Variants in ZNF266 observed in about 807,000 individuals in gnomAD.
ZNF266 encodes the protein zinc finger protein 266.
In ZNF266, 16 loss-of-function variants were observed where a neutral mutation model predicts 16.4. The observed-to-expected ratio is 0.98, with a 90% confidence interval of 0.66 to 1.48. ZNF266 has a LOEUF of 1.48. Ranked by LOEUF, ZNF266 falls within the 40% of genes most tolerant of loss-of-function variation. ZNF266 has a pLI of 0.00. For synonymous variants in ZNF266, 262 were observed against 237.9 expected, an observed-to-expected ratio of 1.10 and a Z score of -0.93; for missense variants, 738 against 689.1, an observed-to-expected ratio of 1.07 and a Z score of -0.79.
chr19:9,413,967 C>T lies in ZNF266; in HGVS notation c.1159G>A (p.Ala387Thr), dbSNP rs781073244. The T allele has an allele frequency of 1.7e-5, 27 of 1,613,992 alleles. 1 individual carries two copies. The South Asian group carries it at 2.6e-4, about 16-fold the overall frequency. ...ATCTTACATTCAAAGGGATCCTTTG[C>T]AGTGTGAGTTTTTAAATGTTCAGTA... ...QLTEHLKTHT[A>T]KDPFECKICG... is the part of the protein sequence containing the mutation. Residue 387 changes from alanine to threonine, a missense_variant, in exon 11 of 11, where the codon GCA becomes ACA. Ala to Thr is a moderately conservative substitution (Grantham distance 58, BLOSUM62 0). Coordinates refer to ENST00000592904, the MANE Select transcript of ZNF266 (RefSeq NM_001370374.1).
At chr19:9,422,068 G>T (rs980857208) in intron 5 of ZNF266, among the ~76,000 whole-genome samples, 2 of 152,140 alleles carry the variant, frequency 1.3e-5, no homozygotes, top group South Asian at 4.1e-4. Flanking sequence ...AGCCAGGATG[G>T]TCTCGATCTC....
chr19:9,418,462 A>T (rs1176447299), intron 8 of ZNF266, 43 bp downstream of exon 8: 1 of 1,606,252 alleles, frequency 6.2e-7, no homozygotes, highest in Non-Finnish European at 8.5e-7. Flanking sequence ...TACATAACAT[A>T]ATCTGTTCCA....
intron 5 of ZNF266, among the ~76,000 whole-genome samples, chr19:9,423,030 G>A (rs1338116097): frequency 1.3e-5 from 2 of 152,158 alleles, no homozygotes; most frequent in Admixed American, 6.6e-5. Context: ...ACAAAATCAC[G>A]TGCTCTAAAG....
chr19:9,423,148 C>T (rs1202414216), intron 5 of ZNF266, among the ~76,000 whole-genome samples: 1 of 152,168 alleles, frequency 6.6e-6, no homozygotes, highest in Admixed American at 6.5e-5. Flanking sequence ...GCAATAAGGA[C>T]TTCCCCTTAC....
chr19:9,422,593 C>G (rs565411961), intron 5 of ZNF266, among the ~76,000 whole-genome samples: 13 of 152,304 alleles, frequency 8.5e-5, no homozygotes, highest in African/African-American at 3.1e-4. Flanking sequence ...TCCTTACTGG[C>G]ACCCCAACTT....
At chr19:9,422,997 G>A (rs940585758) in intron 5 of ZNF266, among the ~76,000 whole-genome samples, 4 of 152,198 alleles carry the variant, frequency 2.6e-5, no homozygotes, top group African/African-American at 7.2e-5. Flanking sequence ...AATGCCTGCC[G>A]TGATCCACTA....
Position 9,414,066 on chromosome 19 carries a change from T to C in ZNF266, c.1060A>G (p.Met354Val). ...GGCTTCTCACCCACATGGATTTTCATATGTTGACTTAAGCAAGAGGAAACA... is the reference window on the plus strand; with the variant it reads ...GGCTTCTCACCCACATGGATTTTCACATGTTGACTTAAGCAAGAGGAAACA... ...FTVSSCLSQH[M>V]KIHVGEKPYE... The change falls in exon 11 of 11, where the codon ATG becomes GTG. Residue 354 changes from methionine (M) to valine (V), a missense_variant. Coordinates refer to ENST00000592904, the MANE Select transcript of ZNF266 (RefSeq NM_001370374.1). 6.2e-7 allele frequency: 1 copy of C among 1,613,824 alleles called. No individual in the cohort carries two copies. Among genetic ancestry groups the C allele is most frequent in the Non-Finnish European group, 8.5e-7 (1 of 1,179,912 alleles).
Position 9,415,721 on chromosome 19 carries a change from A to C in ZNF266, c.338T>G (p.Leu113Arg), listed in dbSNP as rs753530966. 11 of 1,613,164 alleles carry C rather than the reference A, an allele frequency of 6.8e-6. No homozygotes were observed. The South Asian group carries it at 1.2e-4, about 18-fold the overall frequency. The change falls in exon 10 of 11, where the codon CTT becomes CGT. Residue 113 changes from leucine (L) to arginine (R), a missense_variant. Coordinates refer to ENST00000592904, the MANE Select transcript of ZNF266 (RefSeq NM_001370374.1). ...DFQASEWKVQ[L>R]KTKELALQQD... ...CTGAAGGGCTAACTCTTTGGTTTTA[A>C]GTTGCACTTTCCATTCTGAAGCTGA...
chr19:9,429,016 G>A (rs564501846), intron 5 of ZNF266, among the ~76,000 whole-genome samples: 8 of 152,142 alleles, frequency 5.3e-5, no homozygotes, highest in East Asian at 1.9e-4. Flanking sequence ...TTACAGGGGC[G>A]AGCCACTGTG....
intron 5 of ZNF266, 23 bp downstream of exon 5, chr19:9,433,645 A>G (rs927584935): frequency 6.6e-6 from 1 of 152,074 alleles, no homozygotes; most frequent in African/African-American, 2.4e-5. Flanking sequence ...CTTGATTTAC[A>G]TCATTTGTCA....
chr19:9,414,195 C>A lies in ZNF266; in HGVS notation c.931G>T (p.Glu311Ter), dbSNP rs1172038744. Residue 311 changes from glutamate to a stop codon, truncating the protein, a stop_gained, in exon 11 of 11, where the codon GAG becomes TAG. Coordinates refer to ENST00000592904, the MANE Select transcript of ZNF266 (RefSeq NM_001370374.1). LOFTEE classifies it low-confidence loss of function (END_TRUNC). ...HTGDNPYECKECGKAFTRSCQ... is the reference protein window; with the variant it reads ...HTGDNPYECK ...GACCTGGTGAAGGCTTTCCCACACT[C>A]CTTACACTCATAGGGATTGTCTCCA... is the stretch of plus-strand genomic sequence containing the variant. 6.2e-7 allele frequency: 1 copy of A among 1,614,144 alleles called. No individual in the cohort carries two copies. Among genetic ancestry groups the A allele is most frequent in the South Asian group, 1.1e-5 (1 of 91,078 alleles).
At chr19:9,425,442 T>C (rs1012371976) in intron 5 of ZNF266, among the ~76,000 whole-genome samples, 1 of 152,148 alleles carries the variant, frequency 6.6e-6, no homozygotes, top group African/African-American at 2.4e-5. Context: ...CCGGTCTGGG[T>C]AGGGCTAGAA....
At chr19:9,429,659 T>G (rs1555762132) in intron 5 of ZNF266, among the ~76,000 whole-genome samples, 1 of 152,140 alleles carries the variant, frequency 6.6e-6, no homozygotes, top group Non-Finnish European at 1.5e-5. Context: ...GGACTGCCTC[T>G]CCTAAAACAC....
chr19:9,416,020 C>T (rs2122811936), intron 9 of ZNF266, among the ~76,000 whole-genome samples: 1 of 152,148 alleles, frequency 6.6e-6, no homozygotes, highest in South Asian at 2.1e-4. Flanking sequence ...GACGAGATTT[C>T]ACCATGTTGG....
Position 9,414,265 on chromosome 19 carries a change from T to A in ZNF266, c.861A>T (p.Gly287=), listed in dbSNP as rs1211044089. The A allele has an allele frequency of 6.2e-7, 1 of 1,614,064 alleles. No individual in the cohort carries two copies. Among genetic ancestry groups the A allele is most frequent in the South Asian group, 1.1e-5 (1 of 91,088 alleles). Reference sequence around the variant, plus strand: ...TATTAAGGTATGCAGAATATCTAAATCCTTTTCCACATTCCTTACATTTGT... The same window carrying A: ...TATTAAGGTATGCAGAATATCTAAAACCTTTTCCACATTCCTTACATTTGT... ...KPYKCKECGK[G]FRYSAYLNIH... Residue 287 remains glycine (G), a synonymous_variant, in exon 11 of 11, where the codon GGA becomes GGT. Coordinates refer to ENST00000592904, the MANE Select transcript of ZNF266 (RefSeq NM_001370374.1).
intron 9 of ZNF266, among the ~76,000 whole-genome samples, chr19:9,416,150 T>C (rs1351872468): frequency 6.6e-6 from 1 of 151,976 alleles, no homozygotes; most frequent in African/African-American, 2.4e-5. Context: ...TTAAACACGG[T>C]AACAAAAAAC....
Position 9,413,417 on chromosome 19 carries a change from T to G in ZNF266, c.1709A>C (p.Tyr570Ser). The G allele has an allele frequency of 6.2e-7, 1 of 1,612,694 alleles. No individual in the cohort carries two copies. The change falls in exon 11 of 11, where the codon TAC becomes TCC. Residue 570 changes from tyrosine (Y) to serine (S), a missense_variant. Transcript: ENST00000592904. Reference sequence around the variant, plus strand: ...TTCATGTAACTGAAACGAATTGGAGTAACTGAAGGATTTCCCACACTGTTT... The same window carrying G: ...TTCATGTAACTGAAACGAATTGGAGGAACTGAAGGATTTCCCACACTGTTT... ...KCKQCGKSFS[Y>S]SNSFQLHERT... is the part of the protein sequence containing the mutation.
intron 10 of ZNF266, 120 bp from the exon 11 acceptor site, chr19:9,414,840 C>T (rs1465865151): frequency 1.7e-6 from 2 of 1,165,754 alleles, no homozygotes; most frequent in African/African-American, 3.1e-5. Flanking sequence ...TCATTACACA[C>T]ATATAAGTAA....
rs952342043 is a variant in ZNF266, at chr19:9,413,355, C to T, written c.1771G>A (p.Glu591Lys). The T allele has an allele frequency of 6.2e-7, 1 of 1,613,908 alleles. No individual in the cohort carries two copies. Among genetic ancestry groups the T allele is most frequent in the African/African-American group, 1.3e-5 (1 of 74,918 alleles). ...GAAGAACTGAAGGCTTTCCCGCACT[C>T]CTTACATTCATAGGGTTTCTCTCCA... Reference protein sequence around the residue: ...HTGEKPYECKECGKAFSSSSS... With the variant: ...HTGEKPYECKKCGKAFSSSSS... The change falls in exon 11 of 11, where the codon GAG (glutamate) becomes AAG (lysine). Residue 591 changes from glutamate to lysine, a missense_variant. Coordinates refer to ENST00000592904, the MANE Select transcript of ZNF266 (RefSeq NM_001370374.1).
Sources: allele counts gnomAD v4.1 joint callset (sites outside exome capture counted in the v4.1 genomes callset), GRCh38; gene constraint gnomAD v4.1.1; transcripts MANE v1.5; gene names NCBI Gene and HGNC (gene_info 2026-07-23, HGNC 2026-07-21).